ABHD5: variants seen among roughly 807,000 people sequenced by gnomAD.
The protein encoded by ABHD5 is abhydrolase domain containing 5, lysophosphatidic acid acyltransferase.
ABHD5 carries 30 observed loss-of-function variants against 44.9 expected under a neutral mutation model. That is an observed-to-expected ratio of 0.67 (90% CI 0.50 to 0.91). The LOEUF is 0.91. ABHD5 is among the 40% of genes least tolerant of loss of function. ABHD5 has a pLI of 0.00. For synonymous variants in ABHD5, 167 were observed against 147.0 expected, an observed-to-expected ratio of 1.14 and a Z score of -0.99; for missense variants, 399 against 423.4, an observed-to-expected ratio of 0.94 and a Z score of 0.50.
At chr3:43,723,905 A>C (rs1166803318), downstream of ABHD5, among the ~76,000 whole-genome samples, 1 of 152,222 alleles carries the variant, frequency 6.6e-6, no homozygotes, top group African/African-American at 2.4e-5. Context: ...TATTTTATTG[A>C]GTGAAATAAT....
At chr3:43,711,556 T>A (rs1008321698) in intron 3 of ABHD5, among the ~76,000 whole-genome samples, 153 bp from the exon 4 acceptor site, 6 of 152,244 alleles carry the variant, frequency 3.9e-5, no homozygotes, top group Non-Finnish European at 8.8e-5. Flanking sequence ...TTACACAGAA[T>A]AAGAGCATGA....
At chr3:43,717,533 A>C (rs1407182228) in intron 5 of ABHD5, 138 bp from the exon 6 acceptor site, 2 of 877,974 alleles carry the variant, frequency 2.3e-6, no homozygotes, top group Non-Finnish European at 3.7e-6. Flanking sequence ...ACTGTCTCAT[A>C]AATTATTTTC....
In ABHD5 at chr3:43,718,477, A is replaced by C. The variant is rs764749680; in HGVS notation, c.995A>C (p.Asp332Ala). Residue 332 changes from aspartate to alanine, a missense_variant, in exon 7 of 7, where the codon GAT (aspartate) becomes GCT (alanine). Transcript: ENST00000644371. ...ILGAGHYVYA[D>A]QPEEFNQKVK... ...GGGGCAGGACATTATGTATATGCAG[A>C]TCAACCAGAAGAATTCAACCAGAAA... 9 of 1,614,146 alleles carry C rather than the reference A, an allele frequency of 5.6e-6. No individual in the cohort carries two copies. The highest frequency in any genetic ancestry group is 7.6e-6 in the Non-Finnish European group (9 of 1,180,016).
chr3:43,720,281 G>A lies in ABHD5; in HGVS notation c.*1749G>A, dbSNP rs2084818676. 1 of 151,160 alleles carries A rather than the reference G, an allele frequency of 6.6e-6. No individual in the cohort carries two copies. Among genetic ancestry groups the A allele is most frequent in the African/African-American group, 2.4e-5 (1 of 40,910 alleles). The allele number at this position is 151,160 out of a possible 1,614,324, so 9.4% of individuals were successfully genotyped here. A position where few individuals can be genotyped will look rare whatever the true frequency, so the allele number is the denominator to read the frequency against. On this transcript the variant is annotated 3_prime_UTR_variant, in exon 7 of 7. Coordinates refer to ENST00000644371, the MANE Select transcript of ABHD5 (RefSeq NM_016006.6). Reference sequence around the variant, plus strand: ...CACTCTCTAATCTCAATTATCCTTTGCTGGGAGAATGACAGGTTTCACTTA... The same window carrying A: ...CACTCTCTAATCTCAATTATCCTTTACTGGGAGAATGACAGGTTTCACTTA...
At chr3:43,708,525 T>C (rs1294297583) in intron 3 of ABHD5, among the ~76,000 whole-genome samples, 1 of 152,210 alleles carries the variant, frequency 6.6e-6, no homozygotes. Context: ...TACCTGTCTT[T>C]CCATGTTCCC....
intron 7 of ABHD5, among the ~76,000 whole-genome samples, chr3:43,728,156 T>C (rs1044003675): frequency 6.6e-6 from 1 of 152,196 alleles, no homozygotes; most frequent in Non-Finnish European, 1.5e-5. Flanking sequence ...TGAATTCACA[T>C]TTATGGTTGG....
Position 43,709,995 on chromosome 3 carries a change from A to G in ABHD5, c.507-1714A>G, listed in dbSNP as rs191375494. 1.4e-3 allele frequency among the ~76,000 whole-genome samples: 218 copies of G among 152,278 alleles called. 1 individual carries two copies. Among genetic ancestry groups the G allele is most frequent in the African/African-American group, 5.1e-3 (210 of 41,556 alleles). ...GAGGCGGAGGTTGAAGTGAACTGAG[A>G]TTGTGTCACTGCACTCCAGCCTGGG... On this transcript the variant is annotated intron_variant, in intron 3 of 6. Transcript: ENST00000644371.
At chr3:43,730,009 A>T (rs551945920) in intron 7 of ABHD5, among the ~76,000 whole-genome samples, 2 of 152,360 alleles carry the variant, frequency 1.3e-5, no homozygotes, top group Non-Finnish European at 2.9e-5. Context: ...AGGAGGTGGC[A>T]TTTGAAATGA....
At chr3:43,699,540 G>A (rs923195138) in intron 2 of ABHD5, 179 bp downstream of exon 2, 1 of 643,456 alleles carries the variant, frequency 1.6e-6, no homozygotes, top group East Asian at 3.0e-5. Flanking sequence ...GCAGGTAGGA[G>A]TTCTAAAACT....
At chr3:43,710,426 G>A (rs958368458) in intron 3 of ABHD5, among the ~76,000 whole-genome samples, 1 of 152,144 alleles carries the variant, frequency 6.6e-6, no homozygotes, top group Non-Finnish European at 1.5e-5. Flanking sequence ...CTGGTATGCT[G>A]GGGTAGAGAA....
At chr3:43,711,970 C>T in intron 4 of ABHD5, 107 bp downstream of exon 4, 1 of 1,433,050 alleles carries the variant, frequency 7.0e-7, no homozygotes, top group South Asian at 1.2e-5. Context: ...ACCCTGAACC[C>T]TTACTTTTTC....
chr3:43,693,573 A>G (rs578162876), intron 1 of ABHD5, among the ~76,000 whole-genome samples: 110 of 152,208 alleles, frequency 7.2e-4, no homozygotes, highest in African/African-American at 2.5e-3. Context: ...TTTCACTGCC[A>G]CATCCCAATG....
At position 43,717,782 on chromosome 3, in the gene ABHD5, C is replaced by A. The variant is rs746970260; in HGVS notation, c.885C>A (p.Gly295=). 2.5e-6 allele frequency: 4 copies of A among 1,614,120 alleles called. No individual in the cohort carries two copies. The highest frequency in any genetic ancestry group is 3.4e-6 in the Non-Finnish European group (4 of 1,180,052). ...ACATTCCAGTTTCAGTGATCTTTGG[C>A]GCCCGATCCTGCATAGATGGCAATT... ...HPDIPVSVIF[G]ARSCIDGNSG... Residue 295 remains glycine (G), a synonymous_variant, in exon 6 of 7, where the codon GGC becomes GGA. Transcript: ENST00000644371.
At chr3:43,730,014 A>G (rs902440875) in intron 7 of ABHD5, among the ~76,000 whole-genome samples, 3 of 152,246 alleles carry the variant, frequency 2.0e-5, no homozygotes, top group African/African-American at 7.2e-5. Flanking sequence ...GTGGCATTTG[A>G]AATGAAATAC....
At chr3:43,699,244 A>G (rs778413831) in intron 1 of ABHD5, 32 bp from the exon 2 acceptor site, 2 of 1,568,734 alleles carry the variant, frequency 1.3e-6, no homozygotes, top group Non-Finnish European at 8.8e-7. Context: ...GCATGAACTC[A>G]CCTATTTGTT....
intron 1 of ABHD5, chr3:43,691,296 A>C: frequency 5.1e-5 from 16 of 312,258 alleles, no homozygotes; most frequent in East Asian, 9.9e-5. Flanking sequence ...GGCCGCCTTG[A>C]CCCCGCGCGG....
intron 7 of ABHD5, among the ~76,000 whole-genome samples, chr3:43,731,737 C>A (rs1282786318): frequency 6.6e-6 from 1 of 152,142 alleles, no homozygotes; most frequent in East Asian, 1.9e-4. Context: ...GAGGCTGAGG[C>A]AGGAGAATCG....
intron 3 of ABHD5, among the ~76,000 whole-genome samples, chr3:43,707,002 G>C (rs1341787630): frequency 6.6e-6 from 1 of 152,122 alleles, no homozygotes; most frequent in Non-Finnish European, 1.5e-5. Flanking sequence ...AAAAGGCCTA[G>C]TTTAATGCAC....
At chr3:43,695,292 ATAAATATAAATG>A (rs1296351561) in intron 1 of ABHD5, 3 of 152,220 alleles carry the variant, frequency 2.0e-5, no homozygotes, top group African/African-American at 7.2e-5. Context: ...AGTATCTCAG[ATAAATATAAATG>A]TAAATATAAA....
Sources: allele counts gnomAD v4.1 joint callset (sites outside exome capture counted in the v4.1 genomes callset), GRCh38; gene constraint gnomAD v4.1.1; transcripts MANE v1.5; gene names NCBI Gene and HGNC (gene_info 2026-07-23, HGNC 2026-07-21).